PXK: variants seen among roughly 807,000 people sequenced by gnomAD.
PXK encodes PX domain containing serine/threonine kinase like, also known as PX domain-containing protein kinase-like protein.
A neutral mutation model predicts 84.7 loss-of-function variants in PXK; 35 were observed. The observed-to-expected ratio is 0.41, with a 90% CI of 0.32 to 0.55. The LOEUF (loss-of-function observed/expected upper bound fraction) is 0.55. PXK is among the 20% of genes least tolerant of loss of function. PXK has a pLI of 0.21. For synonymous variants in PXK, 253 were observed against 260.8 expected (o/e 0.97, Z 0.29); for missense variants, 634 against 699.7 (o/e 0.91, Z 1.06).
intron 1 of PXK, among the ~76,000 whole-genome samples, chr3:58,341,254 C>T (rs1184644315): frequency 1.6e-4 from 25 of 152,110 alleles, no homozygotes; most frequent in Non-Finnish European, 3.1e-4. Context: ...CCATTTTTAG[C>T]TGAAGTTAAA....
intron 9 of PXK, among the ~76,000 whole-genome samples, chr3:58,396,441 A>G (rs551355245): frequency 6.6e-5 from 10 of 152,318 alleles, no homozygotes; most frequent in South Asian, 4.1e-4. Flanking sequence ...CCACTTGCCT[A>G]TCACTGCTCT....
At chr3:58,386,404 C>G (rs934797309) in intron 4 of PXK, among the ~76,000 whole-genome samples, 1 of 142,358 alleles carries the variant, frequency 7.0e-6, no homozygotes, top group East Asian at 2.3e-4. Flanking sequence ...AAGTGATTCT[C>G]CTGCCTCAGC....
intron 1 of PXK, among the ~76,000 whole-genome samples, chr3:58,365,077 T>C (rs895270167): frequency 2.6e-5 from 4 of 151,928 alleles, no homozygotes; most frequent in Non-Finnish European, 5.9e-5. Flanking sequence ...CGCTCTTCTT[T>C]TTCTAGGTTC....
At chr3:58,336,737 G>A (rs1392692606) in intron 1 of PXK, among the ~76,000 whole-genome samples, 4 of 152,184 alleles carry the variant, frequency 2.6e-5, no homozygotes, top group South Asian at 2.1e-4. Flanking sequence ...TTTGGAAAGC[G>A]CTGTTATCAA....
chr3:58,336,036 AAC>A lies in PXK; in HGVS notation c.102+2948_102+2949del, dbSNP rs1424236779. On this transcript the variant is annotated intron_variant, in intron 1 of 17. Transcript: ENST00000356151. ...TTATCAAGTTTGTTTAACCTTGGGA[AAC>A]ATATATATATATATATATATATATA... is the stretch of plus-strand genomic sequence containing the variant. 5.2e-5 allele frequency among the ~76,000 whole-genome samples: 3 copies of A among 57,282 alleles called. No homozygotes were observed. The East Asian group carries it at 3.3e-3, about 63-fold the overall frequency. The allele number at this position is 57,282 out of a possible 152,430, so 37.6% of individuals were successfully genotyped here.
Position 58,383,556 on chromosome 3 carries a change from C to G in PXK, c.388+856C>G, listed in dbSNP as rs1357524062. 1.3e-5 allele frequency among the ~76,000 whole-genome samples: 2 copies of G among 152,214 alleles called. No homozygotes were observed. Among genetic ancestry groups the G allele is most frequent in the African/African-American group, 4.8e-5 (2 of 41,466 alleles). ...AGTGCAAAGCATAGGAGGTCATTCT[C>G]TTCCAAATCTTTCCTGGATCAGGGC... On this transcript the variant is annotated intron_variant, in intron 4 of 17. Coordinates refer to ENST00000356151, the MANE Select transcript of PXK (RefSeq NM_017771.5). The surrounding 1 kb of genome is among the most constrained non-coding windows in gnomAD (Gnocchi z 4.0).
rs1471712897 is a variant in PXK at position 58,412,083 on chromosome 3, C to G, written c.1466-818C>G. Among the ~76,000 whole-genome samples the G allele has an allele frequency of 6.6e-6, 1 of 152,090 alleles. No homozygotes were observed. Among genetic ancestry groups the G allele is most frequent in the East Asian group, 1.9e-4 (1 of 5,168 alleles). ...CAGCCCTCTGGGTGTGTGTGCCCAT[C>G]AGCCCAGAAAGCACCTGACTAGGGA... On this transcript the variant is annotated intron_variant, in intron 16 of 17. Transcript: ENST00000356151. The surrounding 1 kb of genome is among the most constrained non-coding windows in gnomAD (Gnocchi z 6.2).
At chr3:58,349,312 A>G (rs1436727221) in intron 1 of PXK, among the ~76,000 whole-genome samples, 1 of 151,940 alleles carries the variant, frequency 6.6e-6, no homozygotes, top group East Asian at 1.9e-4. Context: ...AGAAAAAGCA[A>G]GTCATAACAC....
chr3:58,420,823 CT>C, intron 17 of PXK: 1 of 1,315,580 alleles, frequency 7.6e-7, no homozygotes, highest in African/African-American at 1.5e-5. Flanking sequence ...TAAAATACAG[CT>C]CTAAAACCTG....
intron 2 of PXK, among the ~76,000 whole-genome samples, chr3:58,366,949 C>T (rs1334339630): frequency 6.6e-6 from 1 of 152,146 alleles, no homozygotes; most frequent in African/African-American, 2.4e-5. Flanking sequence ...CAGGGATGAC[C>T]TTATATTTAA....
intron 3 of PXK, among the ~76,000 whole-genome samples, chr3:58,378,014 C>A (rs1346620707): frequency 1.3e-5 from 2 of 152,216 alleles, no homozygotes; most frequent in Non-Finnish European, 2.9e-5. Flanking sequence ...ATCCCCAAAT[C>A]TCCCATGTCC....
rs2057845359 is a variant in PXK at position 58,397,326 on chromosome 3, C to A, written c.984+126C>A. The A allele has an allele frequency of 1.7e-6, 2 of 1,184,906 alleles. No individual in the cohort carries two copies. Among genetic ancestry groups the A allele is most frequent in the Non-Finnish European group, 2.4e-6 (2 of 829,468 alleles). The allele number at this position is 1,184,906 out of a possible 1,614,324, so 73.4% of individuals were successfully genotyped here. ...AGTTGGGACAGGCCTTGCCCGTCAG[C>A]CCTTGCAGCGTTGCTGTATCTCTGG... On this transcript the variant is annotated intron_variant, in intron 10 of 17. Coordinates refer to ENST00000356151, the MANE Select transcript of PXK (RefSeq NM_017771.5). The surrounding 1 kb of genome is among the most constrained non-coding windows in gnomAD (Gnocchi z 4.7).
At position 58,355,001 on chromosome 3, in the gene PXK, C is replaced by T. The variant is rs568218706; in HGVS notation, c.103-10873C>T. On this transcript the variant is annotated intron_variant, in intron 1 of 17. Coordinates refer to ENST00000356151, the MANE Select transcript of PXK (RefSeq NM_017771.5). Reference sequence around the variant, plus strand: ...AAGCATGGTGGTGTGCGCCTGTAGTCGCAGCTACTTGGGAGGCTGAGGTAC... The same window carrying T: ...AAGCATGGTGGTGTGCGCCTGTAGTTGCAGCTACTTGGGAGGCTGAGGTAC... 3.3e-5 allele frequency among the ~76,000 whole-genome samples: 5 copies of T among 152,044 alleles called. No individual in the cohort carries two copies. In the East Asian group the frequency reaches 9.7e-4, roughly 30 times the overall value.
rs557861772 is a variant in PXK, at chr3:58,390,444, A to C, written c.389-138A>C. Reference sequence around the variant, plus strand: ...TAGTTTGTGTGTATTTTCTTTCTTTATTATTATTTTTTTTTTGGTAATTAA... The same window carrying C: ...TAGTTTGTGTGTATTTTCTTTCTTTCTTATTATTTTTTTTTTGGTAATTAA... On this transcript the variant is annotated intron_variant, in intron 4 of 17. Coordinates refer to ENST00000356151, the MANE Select transcript of PXK (RefSeq NM_017771.5). This position sits in a 1 kb window ranked among gnomAD's most constrained non-coding sequence, Gnocchi z 4.2. 7.7e-5 allele frequency: 37 copies of C among 480,722 alleles called. No homozygotes were observed. The East Asian group carries it at 1.2e-3, about 16-fold the overall frequency. 29.8% of individuals were successfully genotyped at this position (480,722 alleles called of 1,614,324 possible).
At chr3:58,396,897 A>C in intron 9 of PXK, 142 bp from the exon 10 acceptor site, 1 of 787,940 alleles carries the variant, frequency 1.3e-6, no homozygotes, top group Non-Finnish European at 2.0e-6. Flanking sequence ...ACAAATGGGT[A>C]GAGGTGGCAT....
At chr3:58,366,011 GA>G in intron 2 of PXK, 87 bp downstream of exon 2, 2 of 1,114,502 alleles carry the variant, frequency 1.8e-6, no homozygotes, top group Non-Finnish European at 1.3e-6. Context: ...TGAAAGTCTG[GA>G]AAAATCAGAA....
chr3:58,359,531 A>G (rs574493008), intron 1 of PXK, among the ~76,000 whole-genome samples: 1 of 147,452 alleles, frequency 6.8e-6, no homozygotes, highest in East Asian at 2.0e-4. Flanking sequence ...CTCTGTCTCA[A>G]AAAAAAAAAA....
rs759647485 is a variant in PXK at position 58,424,869 on chromosome 3, G to A, written c.1646G>A (p.Arg549Gln). The A allele has an allele frequency of 1.3e-5, 21 of 1,614,108 alleles. No individual in the cohort carries two copies. The highest frequency in any genetic ancestry group is 8.3e-5 in the Admixed American group (5 of 60,002). The part of the protein sequence containing the change: ...LSSQAVNGMS[R>Q]GALLSSIQNF... ...TCTCAGGCTGTGAATGGCATGAGCC[G>A]AGGGGCCTTGCTCAGCTCCATCCAG... The change falls in exon 18 of 18, where the codon CGA (arginine) becomes CAA (glutamine). Residue 549 changes from arginine (R) to glutamine (Q), a missense_variant. By Grantham distance (43) the Arg-to-Gln change is conservative. Transcript: ENST00000356151.
Position 58,421,679 on chromosome 3 carries a change from C to T in PXK, c.1529-3073C>T. ...CATTCCTCCCTAGATCTGACCTACG[C>T]TCTCCCTGCAGCATTCTCTGCCCTC... is the stretch of plus-strand genomic sequence containing the variant. On this transcript the variant is annotated intron_variant, in intron 17 of 17. Coordinates refer to ENST00000356151, the MANE Select transcript of PXK (RefSeq NM_017771.5). This position sits in a 1 kb window ranked among gnomAD's most constrained non-coding sequence, Gnocchi z 5.5. 1.0e-6 allele frequency: 1 copy of T among 988,288 alleles called. No individual in the cohort carries two copies. The highest frequency in any genetic ancestry group is 1.2e-6 in the Non-Finnish European group (1 of 830,302). 61.2% of individuals were successfully genotyped at this position (988,288 alleles called of 1,614,324 possible).
Sources: allele counts gnomAD v4.1 joint callset (sites outside exome capture counted in the v4.1 genomes callset), GRCh38; gene constraint gnomAD v4.1.1; non-coding constraint Gnocchi (gnomAD v3.1); transcripts MANE v1.5; gene names NCBI Gene and HGNC (gene_info 2026-07-23, HGNC 2026-07-21).